TTN: variants seen among roughly 807,000 people sequenced by gnomAD.
The protein encoded by TTN is connectin.
Under a neutral mutation model 3,223.0 loss-of-function variants are expected in TTN, and 1,525 were observed. That is an observed-to-expected ratio of 0.47 (90% CI 0.45 to 0.49). The LOEUF is 0.49. Among genes scored for constraint, TTN ranks in the 20% least tolerant of loss-of-function variants. The pLI is 0.00. For missense variants in TTN, 40,786 were observed against 43,424.0 expected (o/e 0.94, Z 5.40); for synonymous variants, 14,094 against 15,161.0 (o/e 0.93, Z 5.17).
In TTN at chr2:178,588,613, C is replaced by A. The variant is rs886042629; in HGVS notation, c.63112G>T (p.Val21038Phe). The change falls in exon 304 of 363, where the codon GTC (valine) becomes TTC (phenylalanine). Residue 21038 changes from valine (V) to phenylalanine (F), a missense_variant. Val to Phe is a conservative substitution (Grantham distance 50). Transcript: ENST00000589042. ...ATTCCAATTTCATTTTCTGCCTTGA[C>A]ACGGAACTGATATTCATGGTCTGGG... ...LLPDHEYQFR[V>F]KAENEIGIGE... is the part of the protein sequence containing the mutation. 6.3e-7 allele frequency: 1 copy of A among 1,583,554 alleles called. No individual in the cohort carries two copies. Among genetic ancestry groups the A allele is most frequent in the South Asian group, 1.2e-5 (1 of 84,836 alleles).
rs540775319 is a variant in TTN at position 178,769,354 on chromosome 2, A to G, written c.8902+325T>C. Among the ~76,000 whole-genome samples, 557 of 152,028 alleles carry G rather than the reference A, an allele frequency of 3.7e-3. 2 individuals are homozygous for G. Among genetic ancestry groups the G allele is most frequent in the Non-Finnish European group, 5.8e-3 (391 of 67,968 alleles). On this transcript the variant is annotated intron_variant, in intron 37 of 362. Transcript: ENST00000589042. ...CTGCAGCCTTGGCCTTCTGGGCCCAAGCGATCTTCCCACCTCAGCCTCCTG... is the reference window on the plus strand; with the variant it reads ...CTGCAGCCTTGGCCTTCTGGGCCCAGGCGATCTTCCCACCTCAGCCTCCTG...
chr2:178,768,608 T>C, intron 38 of TTN, 65 bp downstream of exon 38: 2 of 1,608,126 alleles, frequency 1.2e-6, no homozygotes, highest in Non-Finnish European at 1.7e-6. Context: ...CATTAATTGA[T>C]ACACTAAATT....
intron 90 of TTN, 57 bp downstream of exon 90, chr2:178,714,929 C>T (rs999846151): frequency 1.5e-5 from 24 of 1,553,456 alleles, no homozygotes; most frequent in Non-Finnish European, 2.0e-5. Context: ...GAGGGGGCAA[C>T]AGAGTATTAC....
rs1393705952 is a variant in TTN at position 178,532,799 on chromosome 2, T to C, written c.103816A>G (p.Met34606Val). The change falls in exon 358 of 363, where the codon ATG (methionine) becomes GTG (valine). Residue 34606 changes from methionine (M) to valine (V), a missense_variant. Physicochemically the swap from Met to Val is conservative, Grantham distance 21. Coordinates refer to ENST00000589042, the MANE Select transcript of TTN (RefSeq NM_001267550.2). ...RLSRWEQFYV[M>V]PLPRITDQYR... Reference sequence around the variant, plus strand: ...TGATCTGTAATGCGTGGAAGAGGCATCACATAGAACTGTTCCCATCTTGAA... The same window carrying C: ...TGATCTGTAATGCGTGGAAGAGGCACCACATAGAACTGTTCCCATCTTGAA... 1 of 1,613,968 alleles carries C rather than the reference T, an allele frequency of 6.2e-7. No individual in the cohort carries two copies. The highest frequency in any genetic ancestry group is 8.5e-7 in the Non-Finnish European group (1 of 1,179,878).
chr2:178,547,010 A>G lies in TTN; in HGVS notation c.94515T>C (p.Asn31505=). 1 of 1,608,512 alleles carries G rather than the reference A, an allele frequency of 6.2e-7. No individual in the cohort carries two copies. The highest frequency in any genetic ancestry group is 8.5e-7 in the Non-Finnish European group (1 of 1,176,050). The change falls in exon 340 of 363, where the codon AAT becomes AAC. Residue 31505 remains asparagine, a synonymous_variant. Transcript: ENST00000589042. ...TTAAATTGTGATACATACCAACTGG[A>G]TTTTGAGCCATTATAGGTCTTGAAG... The part of the protein sequence containing the change: ...SEASRPIMAQ[N]PVDAPGRPEV...
rs1464021613 is a variant in TTN at position 178,766,618 on chromosome 2, G to C, written c.9472-6C>G. ...GCACGCTGTTTCTCAATGACCTGTT[G>C]ATGGAACAACATAAAAAAACAACAA... On this transcript the variant is annotated splice_region_variant and splice_polypyrimidine_tract_variant and intron_variant, in intron 40 of 362. Transcript: ENST00000589042. 1 of 1,608,500 alleles carries C rather than the reference G, an allele frequency of 6.2e-7. No homozygotes were observed.
chr2:178,599,818 C>T lies in TTN; in HGVS notation c.56083G>A (p.Glu18695Lys), dbSNP rs752314096. The change falls in exon 289 of 363, where the codon GAG becomes AAG. Residue 18695 changes from glutamate (E) to lysine (K), a missense_variant. Coordinates refer to ENST00000589042, the MANE Select transcript of TTN (RefSeq NM_001267550.2). The stretch of plus-strand genomic sequence containing the variant: ...TTAACATTGGTTCCTTCTTCAACCT[C>T]CATGAATTCTTTTAGATCAATTGAT... Reference protein sequence around the residue: ...PPSIDLKEFMEVEEGTNVNIV... With the variant: ...PPSIDLKEFMKVEEGTNVNIV... The T allele has an allele frequency of 1.4e-5, 22 of 1,598,266 alleles. No individual in the cohort carries two copies. The highest frequency in any genetic ancestry group is 3.5e-5 in the Admixed American group (2 of 57,042).
intron 329 of TTN, 26 bp downstream of exon 329, chr2:178,557,227 C>T: frequency 1.2e-6 from 2 of 1,613,584 alleles, no homozygotes; most frequent in Non-Finnish European, 8.5e-7. Flanking sequence ...GTTATCAGAA[C>T]TGCCCTTCCC....
In TTN at chr2:178,773,130, A is replaced by G. The variant is rs558027818; in HGVS notation, c.7834T>C (p.Ser2612Pro). 1 of 1,613,852 alleles carries G rather than the reference A, an allele frequency of 6.2e-7. No homozygotes were observed. Among genetic ancestry groups the G allele is most frequent in the South Asian group, 1.1e-5 (1 of 91,056 alleles). Residue 2612 changes from serine (S) to proline (P), a missense_variant, in exon 33 of 363, where the codon TCT becomes CCT. Transcript: ENST00000589042. ...YTFYAGENMTSGKLTVAGGAI... is the reference protein window; with the variant it reads ...YTFYAGENMTPGKLTVAGGAI... ...CAACCTGCCACAGTAAGTTTTCCAG[A>G]TGTCATATTTTCTCCCGCGTAAAAT...
In TTN at chr2:178,773,448, A is replaced by G; in HGVS notation, c.7594+14T>C. ...TGCTTAAAGTAATTATTAGATAGGT[A>G]GAATAATCCTTACTTTCTACAGAGA... On this transcript the variant is annotated intron_variant, in intron 32 of 362. Transcript: ENST00000589042. 1 of 1,614,022 alleles carries G rather than the reference A, an allele frequency of 6.2e-7. No homozygotes were observed.
In TTN at chr2:178,776,010, G is replaced by C; in HGVS notation, c.5854C>G (p.His1952Asp). The change falls in exon 28 of 363, where the codon CAT becomes GAT. Residue 1952 changes from histidine (H) to aspartate (D), a missense_variant. By Grantham distance (81) the His-to-Asp change is moderately conservative. Transcript: ENST00000589042. The part of the protein sequence containing the change: ...APEPRPEFHV[H>D]EPGKLQFEVQ... The stretch of plus-strand genomic sequence containing the variant: ...TCAAACTGAAGCTTTCCTGGTTCAT[G>C]TACGTGAAACTCAGGCCTTGGTTCA... 2.5e-6 allele frequency: 4 copies of C among 1,614,146 alleles called. No homozygotes were observed. The highest frequency in any genetic ancestry group is 3.4e-6 in the Non-Finnish European group (4 of 1,180,006).
intron 2 of TTN, 72 bp from the exon 3 acceptor site, chr2:178,802,413 T>A: frequency 1.3e-6 from 2 of 1,519,934 alleles, no homozygotes; most frequent in South Asian, 2.4e-5. Flanking sequence ...TCCCATCATG[T>A]TCACTGCCTT....
Position 178,593,573 on chromosome 2 carries a change from C to T in TTN, c.58727G>A (p.Arg19576His), listed in dbSNP as rs771668359. The change falls in exon 298 of 363, where the codon CGT becomes CAT. Residue 19576 changes from arginine to histidine, a missense_variant. By Grantham distance (29) the Arg-to-His change is conservative. Transcript: ENST00000589042. ...LVSDSMKAKD[R>H]FRVPDAPDQP... ...AAAAGAAACATAATGCATACTGAAA[C>T]GATCTTTGGCTTTCATTGAATCAGA... The T allele has an allele frequency of 2.0e-5, 33 of 1,611,158 alleles. No individual in the cohort carries two copies. The highest frequency in any genetic ancestry group is 1.7e-5 in the Admixed American group (1 of 59,566).
Position 178,554,485 on chromosome 2 carries a change from T to A in TTN, c.88862A>T (p.Glu29621Val). The change falls in exon 332 of 363, where the codon GAA becomes GTA. Residue 29621 changes from glutamate (E) to valine (V), a missense_variant. Glu to Val is a moderately radical substitution (Grantham distance 121). Transcript: ENST00000589042. ...VNKYGIGEPL[E>V]SDSVVAKNAF... ...GTTCTTGGCTACAACGGAATCAGAT[T>A]CCAGTGGCTCGCCAATTCCATATTT... 6.2e-6 allele frequency: 10 copies of A among 1,613,552 alleles called. No homozygotes were observed. Among genetic ancestry groups the A allele is most frequent in the Non-Finnish European group, 7.6e-6 (9 of 1,179,744 alleles).
Position 178,703,981 on chromosome 2 carries a change from G to A in TTN, c.30223+166C>T, listed in dbSNP as rs72953397. On this transcript the variant is annotated intron_variant, in intron 106 of 362. Coordinates refer to ENST00000589042, the MANE Select transcript of TTN (RefSeq NM_001267550.2). ...TGACACTCATTTGAATATTTCCCTT[G>A]TGCTTTTGTATGAACTTTGAGATGA... Among the ~76,000 whole-genome samples the A allele has an allele frequency of 0.033, 4,977 of 152,292 alleles. 130 individuals are homozygous for A. The highest frequency in any genetic ancestry group is 0.065 in the Middle Eastern group (19 of 294).
Position 178,559,423 on chromosome 2 carries a change from G to C in TTN, c.86709C>G (p.Ser28903=). The C allele has an allele frequency of 6.2e-7, 1 of 1,613,748 alleles. No homozygotes were observed. The highest frequency in any genetic ancestry group is 8.5e-7 in the Non-Finnish European group (1 of 1,179,728). Residue 28903 remains serine, a synonymous_variant, in exon 326 of 363, where the codon TCC becomes TCG. Transcript: ENST00000589042. The part of the protein sequence containing the change: ...VSVTNNCNRL[S]YKVTNLQEGA... ...CTTCTTGTAAATTGGTAACTTTGTA[G>C]GAGAGGCGGTTACAGTTGTTGGTCA... is the stretch of plus-strand genomic sequence containing the variant.
chr2:178,793,301 C>T, intron 9 of TTN, 103 bp downstream of exon 9: 1 of 1,496,704 alleles, frequency 6.7e-7, no homozygotes, highest in South Asian at 1.3e-5. Flanking sequence ...AGTATGCTAA[C>T]AACCATGTGG....
At chr2:178,750,110 T>C in intron 47 of TTN, 1 of 1,613,162 alleles carries the variant, frequency 6.2e-7, no homozygotes, top group Non-Finnish European at 8.5e-7. Context: ...GGAAAGCAAT[T>C]CTGTGTCTCC....
chr2:178,726,248 T>G (rs1228403208), intron 69 of TTN: 1 of 501,240 alleles, frequency 2.0e-6, no homozygotes, highest in Non-Finnish European at 3.4e-6. Context: ...AGAACCCAGA[T>G]AGATCCTAGA....
Sources: allele counts gnomAD v4.1 joint callset (sites outside exome capture counted in the v4.1 genomes callset), GRCh38; gene constraint gnomAD v4.1.1; transcripts MANE v1.5; gene names NCBI Gene and HGNC (gene_info 2026-07-23, HGNC 2026-07-21).